TRRAP: variants seen among roughly 807,000 people sequenced by gnomAD.
TRRAP encodes the protein transformation/transcription domain associated protein, also known as transformation/transcription domain-associated protein.
A neutral mutation model predicts 438.8 loss-of-function variants in TRRAP; 41 were observed. The observed-to-expected ratio is 0.09, with a 90% CI of 0.07 to 0.12. The LOEUF is 0.12. Among genes scored for constraint, TRRAP ranks in the 10% least tolerant of loss-of-function variants. TRRAP has a pLI of 1.00. For synonymous variants in TRRAP, 1,994 were observed against 1,962.9 expected (o/e 1.02, Z -0.42); for missense variants, 3,122 against 5,055.1 (o/e 0.62, Z 11.60).
In TRRAP at chr7:98,994,764, G is replaced by A. The variant is rs1282132474; in HGVS notation, c.10225G>A (p.Ala3409Thr). ...VSNVSTMFSS[A>T]ASESLARRAQ... ...CAACGTCTCGACCATGTTCTCCAGC[G>A]CAGCCTCTGAGTCTCTGGCCCGGCG... Residue 3409 changes from alanine (A) to threonine (T), a missense_variant, in exon 67 of 73, where the codon GCA becomes ACA. Physicochemically the swap from Ala to Thr is moderately conservative, Grantham distance 58 (BLOSUM62 0). This residue lies in a region of TRRAP where 107 missense variants were observed against 327.5 expected (regional missense o/e 0.33). Transcript: ENST00000456197. This position sits in a 1 kb window ranked among gnomAD's most constrained non-coding sequence, Gnocchi z 4.8. The A allele has an allele frequency of 1.9e-6, 3 of 1,614,196 alleles. No individual in the cohort carries two copies. Among genetic ancestry groups the A allele is most frequent in the Non-Finnish European group, 2.5e-6 (3 of 1,180,016 alleles).
chr7:98,939,595 A>G (rs1295455209), intron 30 of TRRAP, among the ~76,000 whole-genome samples: 1 of 152,270 alleles, frequency 6.6e-6, no homozygotes, highest in Non-Finnish European at 1.5e-5. Context: ...TTCCAAATAT[A>G]TGTAATACAC....
intron 11 of TRRAP, among the ~76,000 whole-genome samples, chr7:98,903,033 G>GT (rs1354188469): frequency 7.9e-5 from 12 of 151,092 alleles, no homozygotes; most frequent in South Asian, 6.2e-4. Flanking sequence ...AGTCTTAACG[G>GT]TTTTTTTTTT....
In TRRAP at chr7:98,950,997, T is replaced by C; in HGVS notation, c.5456T>C (p.Ile1819Thr). ...CCAGAAAGCATCACCAGTGTGTTTA[T>C]TACCAAGGTGGTATCACTATGTGTG... Reference protein sequence around the residue: ...DNPESITSVFITKVLDPEKQA... With the variant: ...DNPESITSVFTTKVLDPEKQA... The change falls in exon 39 of 73, where the codon ATT (isoleucine) becomes ACT (threonine). Residue 1819 changes from isoleucine (I) to threonine (T), a missense_variant. Physicochemically the swap from Ile to Thr is moderately conservative, Grantham distance 89 (BLOSUM62 -1). This residue lies in a region of TRRAP where 272 missense variants were observed against 348.5 expected (regional missense o/e 0.78). Coordinates refer to ENST00000456197, the MANE Select transcript of TRRAP (RefSeq NM_001375524.1). 6.3e-7 allele frequency: 1 copy of C among 1,599,590 alleles called. No homozygotes were observed. Among genetic ancestry groups the C allele is most frequent in the Non-Finnish European group, 8.5e-7 (1 of 1,175,062 alleles).
intron 6 of TRRAP, among the ~76,000 whole-genome samples, 192 bp from the exon 7 acceptor site, chr7:98,895,568 CTGTT>C (rs1264488227): frequency 1.3e-5 from 2 of 152,160 alleles, no homozygotes; most frequent in African/African-American, 2.4e-5. Context: ...AACTTGTTAT[CTGTT>C]TATCAGTCCT....
At chr7:98,912,305 C>T (rs1179653055) in intron 18 of TRRAP, 92 bp downstream of exon 18, 17 of 1,374,558 alleles carry the variant, frequency 1.2e-5, no homozygotes, top group South Asian at 1.1e-4. Flanking sequence ...GGCTGGTCAG[C>T]GTTCTGGACT....
chr7:98,939,986 A>G (rs1257544854), intron 30 of TRRAP, among the ~76,000 whole-genome samples: 1 of 151,986 alleles, frequency 6.6e-6, no homozygotes, highest in Admixed American at 6.6e-5. Context: ...GGTTCAAGTG[A>G]TTCTCCTGCC....
In TRRAP at chr7:98,957,583, G is replaced by A. The variant is rs555869929; in HGVS notation, c.6232-398G>A. Among the ~76,000 whole-genome samples, 231 of 152,272 alleles carry A rather than the reference G, an allele frequency of 1.5e-3. 2 individuals carry two copies. Among genetic ancestry groups the A allele is most frequent in the Non-Finnish European group, 2.1e-3 (143 of 68,028 alleles). On this transcript the variant is annotated intron_variant, in intron 43 of 72. Coordinates refer to ENST00000456197, the MANE Select transcript of TRRAP (RefSeq NM_001375524.1). ...GCACCGTCTCAGTGCTCAGCCATGC[G>A]GGCCATCCCTCTGCTCTCAATGCAC...
chr7:98,989,434 G>T (rs1793292093), intron 63 of TRRAP, among the ~76,000 whole-genome samples: 1 of 152,224 alleles, frequency 6.6e-6, no homozygotes, highest in Admixed American at 6.5e-5. Context: ...CTCACTGAAG[G>T]ATGTGCACTT....
intron 12 of TRRAP, 84 bp downstream of exon 12, chr7:98,903,601 C>G: frequency 1.0e-5 from 16 of 1,568,738 alleles, no homozygotes; most frequent in Non-Finnish European, 1.3e-5. Context: ...CATAGTTGTG[C>G]TGTGAGGTTT....
chr7:98,904,415 C>G (rs1796622272), intron 12 of TRRAP, among the ~76,000 whole-genome samples: 1 of 138,276 alleles, frequency 7.2e-6, no homozygotes, highest in Admixed American at 8.3e-5. Context: ...CCCAGGAAGG[C>G]AGAGTTTGCA....
At chr7:98,954,647 A>T (rs527379481) in intron 40 of TRRAP, among the ~76,000 whole-genome samples, 2 of 152,286 alleles carry the variant, frequency 1.3e-5, no homozygotes, top group South Asian at 4.2e-4. Flanking sequence ...TACCCTCAGA[A>T]CTGGTCTTCT....
At chr7:98,883,345 T>C (rs1795547427) in intron 3 of TRRAP, among the ~76,000 whole-genome samples, 1 of 152,222 alleles carries the variant, frequency 6.6e-6, no homozygotes, top group African/African-American at 2.4e-5. Context: ...TACATTTCAT[T>C]TATCTGCAGA....
In TRRAP at chr7:98,881,972, C is replaced by T. The variant is rs1554403187; in HGVS notation, c.101-3C>T. 2 of 1,611,248 alleles carry T rather than the reference C, an allele frequency of 1.2e-6. No individual in the cohort carries two copies. Among genetic ancestry groups the T allele is most frequent in the Non-Finnish European group, 1.7e-6 (2 of 1,179,364 alleles). The stretch of plus-strand genomic sequence containing the variant: ...TACCTGATGCTTGTTTTGCCGTTCA[C>T]AGCTGATGAAACAAAGTTGAAAATG... On this transcript the variant is annotated splice_region_variant and splice_polypyrimidine_tract_variant and intron_variant, in intron 2 of 72. Transcript: ENST00000456197.
intron 67 of TRRAP, among the ~76,000 whole-genome samples, chr7:98,995,169 GGGTGGGGT>G (rs1233384440): frequency 1.3e-5 from 2 of 152,336 alleles, no homozygotes; most frequent in East Asian, 3.9e-4. Flanking sequence ...AAACAGGGTA[GGGTGGGGT>G]GGTGGGAGAC....
At chr7:98,983,767 C>T (rs1488462502) in intron 60 of TRRAP, among the ~76,000 whole-genome samples, 2 of 152,166 alleles carry the variant, frequency 1.3e-5, no homozygotes. Context: ...CATCCCAGGA[C>T]GAGTTGTGCT....
At position 98,906,162 on chromosome 7, in the gene TRRAP, A is replaced by T. The variant is rs1554407486; in HGVS notation, c.1037-15A>T. 6.2e-7 allele frequency: 1 copy of T among 1,612,308 alleles called. No homozygotes were observed. Among genetic ancestry groups the T allele is most frequent in the Admixed American group, 1.7e-5 (1 of 59,950 alleles). On this transcript the variant is annotated splice_polypyrimidine_tract_variant and intron_variant, in intron 12 of 72. Transcript: ENST00000456197. ...GTTTTGTTAGTGATCTGTGCAATGG[A>T]TGTTTGTCTTCTAGAGTTCATTCCT...
intron 30 of TRRAP, among the ~76,000 whole-genome samples, chr7:98,938,315 G>T (rs1375347144): frequency 6.6e-6 from 1 of 152,092 alleles, no homozygotes; most frequent in Non-Finnish European, 1.5e-5. Flanking sequence ...CCCCAGTCTG[G>T]GTGACAGAGC....
chr7:98,935,421 G>T (rs1790515465), intron 27 of TRRAP, among the ~76,000 whole-genome samples, 158 bp from the exon 28 acceptor site: 1 of 152,216 alleles, frequency 6.6e-6, no homozygotes, highest in South Asian at 2.1e-4. Flanking sequence ...AAGAGGCTCA[G>T]TCATACTTTG....
Position 98,912,135 on chromosome 7 carries a change from C to T in TRRAP, c.2121C>T (p.Ser707=). The T allele has an allele frequency of 6.2e-7, 1 of 1,614,190 alleles. No homozygotes were observed. The highest frequency in any genetic ancestry group is 8.5e-7 in the Non-Finnish European group (1 of 1,180,040). The part of the protein sequence containing the change: ...LPEMGSNVEL[S]NLYLKLFKLV... The stretch of plus-strand genomic sequence containing the variant: ...AAATGGGCTCCAACGTGGAGCTCTC[C>T]AACCTGTACCTCAAGCTGTTCAAGC... The change falls in exon 18 of 73, where the codon TCC becomes TCT. Residue 707 remains serine, a synonymous_variant. Coordinates refer to ENST00000456197, the MANE Select transcript of TRRAP (RefSeq NM_001375524.1).
Sources: gnomAD v4.1 joint callset for allele counts (sites outside exome capture counted in the v4.1 genomes callset) on GRCh38, gnomAD v4.1.1 for gene constraint, gnomAD v4.1.1 regional missense constraint, Gnocchi (gnomAD v3.1) non-coding constraint, MANE v1.5 for transcripts, NCBI Gene and HGNC (gene_info 2026-07-23, HGNC 2026-07-21) for gene names.